Variants in CDYL observed in about 807,000 individuals in gnomAD.
CDYL encodes the protein chromodomain Y-like protein.
Under a neutral mutation model 47.3 loss-of-function variants are expected in CDYL, and 8 were observed. The observed-to-expected ratio is 0.17, with a 90% CI of 0.10 to 0.31. The LOEUF (loss-of-function observed/expected upper bound fraction) is 0.31. Ranked by LOEUF, CDYL falls within the 10% of genes least tolerant of loss-of-function variation. The pLI is 1.00. For synonymous variants in CDYL, 266 were observed against 265.0 expected (o/e 1.00, Z -0.04); for missense variants, 471 against 701.4 (o/e 0.67, Z 3.71).
chr6:4,906,616 A>G (rs1757245132), intron 2 of CDYL, among the ~76,000 whole-genome samples: 1 of 152,220 alleles, frequency 6.6e-6, no homozygotes, highest in African/African-American at 2.4e-5. Context: ...TATGGACTTC[A>G]AAGGGAAAGT....
intron 1 of CDYL, among the ~76,000 whole-genome samples, chr6:4,816,345 T>G (rs995326298): frequency 2.0e-5 from 3 of 151,584 alleles, no homozygotes; most frequent in Non-Finnish European, 4.4e-5. Context: ...AGTAAAGGGG[T>G]TGCATTTTAC....
chr6:4,864,640 T>C (rs1258343198), intron 1 of CDYL, among the ~76,000 whole-genome samples: 3 of 152,234 alleles, frequency 2.0e-5, no homozygotes, highest in Non-Finnish European at 4.4e-5. Flanking sequence ...TGCTGTGTTG[T>C]GACACTGAAT....
At chr6:4,811,274 T>C (rs1247939380) in intron 1 of CDYL, among the ~76,000 whole-genome samples, 1 of 152,232 alleles carries the variant, frequency 6.6e-6, no homozygotes, top group Non-Finnish European at 1.5e-5. Context: ...ATACTAAAGA[T>C]AGAACTAGCA....
chr6:4,766,441 C>T (rs1758252896), intron 3 of CDYL, among the ~76,000 whole-genome samples: 1 of 151,968 alleles, frequency 6.6e-6, no homozygotes, highest in Admixed American at 6.6e-5. Flanking sequence ...GATCTCCCGA[C>T]CTCAGGTGAT....
chr6:4,804,715 G>T (rs537495937), intron 1 of CDYL, among the ~76,000 whole-genome samples: 1 of 152,184 alleles, frequency 6.6e-6, no homozygotes, highest in Non-Finnish European at 1.5e-5. Flanking sequence ...CTGCACGTCC[G>T]TCTGGGTCCA....
At chr6:4,882,274 A>G (rs1007849743) in intron 1 of CDYL, among the ~76,000 whole-genome samples, 1 of 152,184 alleles carries the variant, frequency 6.6e-6, no homozygotes, top group Non-Finnish European at 1.5e-5. Context: ...TCATGGGTCA[A>G]TGGGTGAGAT....
intron 1 of CDYL, among the ~76,000 whole-genome samples, chr6:4,785,841 A>G (rs1271806158): frequency 6.6e-6 from 1 of 152,196 alleles, no homozygotes; most frequent in African/African-American, 2.4e-5. Context: ...GAGGCAGGTG[A>G]ATTGACGTTA....
intron 1 of CDYL, among the ~76,000 whole-genome samples, chr6:4,802,160 ATTCT>A (rs1561644432): frequency 6.6e-6 from 1 of 152,142 alleles, no homozygotes. Flanking sequence ...CAAACTCACA[ATTCT>A]TAACCCTTCT....
Position 4,885,090 on chromosome 6 carries a change from C to G in CDYL, c.25-6623C>G, listed in dbSNP as rs181244837. Among the ~76,000 whole-genome samples the G allele has an allele frequency of 2.0e-5, 3 of 152,190 alleles. No homozygotes were observed. In the East Asian group the frequency reaches 5.8e-4, roughly 29 times the overall value. On this transcript the variant is annotated intron_variant, in intron 1 of 6. Transcript: ENST00000397588. Reference sequence around the variant, plus strand: ...CTCACTGTAGCCTAGACCTCCTTGGCTCAAGTAATCCTCCTACCTCAGCCT... The same window carrying G: ...CTCACTGTAGCCTAGACCTCCTTGGGTCAAGTAATCCTCCTACCTCAGCCT...
intron 2 of CDYL, among the ~76,000 whole-genome samples, chr6:4,931,019 TTC>T (rs558783084): frequency 6.6e-6 from 1 of 152,066 alleles, no homozygotes; most frequent in Non-Finnish European, 1.5e-5. Context: ...TAGCAGCTAC[TTC>T]TGCTCTGAAG....
At chr6:4,864,399 A>G (rs1761261803) in intron 1 of CDYL, among the ~76,000 whole-genome samples, 1 of 152,230 alleles carries the variant, frequency 6.6e-6, no homozygotes, top group African/African-American at 2.4e-5. Flanking sequence ...ATTGACTAAA[A>G]TTTGTAGCAA....
chr6:4,829,151 T>G (rs1015524934), intron 1 of CDYL, among the ~76,000 whole-genome samples: 1 of 150,976 alleles, frequency 6.6e-6, no homozygotes, highest in Non-Finnish European at 1.5e-5. Context: ...GTGGGGTTTT[T>G]GTTGTTGTTA....
At chr6:4,706,532 C>A (rs1246963526) in intron 1 of CDYL, among the ~76,000 whole-genome samples, 1 of 151,960 alleles carries the variant, frequency 6.6e-6, no homozygotes, top group Non-Finnish European at 1.5e-5. Flanking sequence ...GTGGCTCAGG[C>A]CTGTAATCCC....
chr6:4,721,902 G>T (rs774827002), intron 2 of CDYL, among the ~76,000 whole-genome samples: 1 of 150,902 alleles, frequency 6.6e-6, no homozygotes, highest in Non-Finnish European at 1.5e-5. Flanking sequence ...TTGCTCTGTC[G>T]CCCAGGCTGA....
chr6:4,819,383 C>T (rs1759770342), intron 1 of CDYL, among the ~76,000 whole-genome samples: 1 of 152,148 alleles, frequency 6.6e-6, no homozygotes, highest in African/African-American at 2.4e-5. Context: ...GATGTTCCCA[C>T]TCCCTCATTG....
chr6:4,763,320 A>G (rs9504241), intron 3 of CDYL, among the ~76,000 whole-genome samples: 1,754 of 152,316 alleles, frequency 0.012, 28 homozygotes, highest in African/African-American at 0.04. Flanking sequence ...CCAAAGGACA[A>G]AATAATGAGT....
chr6:4,897,126 C>A (rs1292928721), intron 2 of CDYL, among the ~76,000 whole-genome samples: 9 of 152,200 alleles, frequency 5.9e-5, no homozygotes, highest in African/African-American at 1.9e-4. Context: ...ATTAATCCTA[C>A]AAAAGAAGTA....
intron 1 of CDYL, among the ~76,000 whole-genome samples, chr6:4,858,037 C>T (rs1488970106): frequency 7.8e-6 from 1 of 128,510 alleles, no homozygotes; most frequent in Non-Finnish European, 1.6e-5. Context: ...GCTTCTGTAT[C>T]GCACTAGTTC....
At chr6:4,848,928 T>C (rs1373690029) in intron 1 of CDYL, among the ~76,000 whole-genome samples, 1 of 152,260 alleles carries the variant, frequency 6.6e-6, no homozygotes, top group Non-Finnish European at 1.5e-5. Flanking sequence ...TTGTTTACTT[T>C]GTTAATAATA....
Sources: gnomAD v4.1 joint callset for allele counts (sites outside exome capture counted in the v4.1 genomes callset) on GRCh38, gnomAD v4.1.1 for gene constraint, MANE v1.5 for transcripts, NCBI Gene and HGNC (gene_info 2026-07-23, HGNC 2026-07-21) for gene names.